CRH: variants seen among roughly 807,000 people sequenced by gnomAD.
The protein encoded by CRH is corticotropin releasing hormone, also known as corticotropin-releasing hormone.
CRH carries 6 observed loss-of-function variants against 11.1 expected under a neutral mutation model. The observed-to-expected ratio is 0.54, with a 90% CI of 0.30 to 1.07. The LOEUF (loss-of-function observed/expected upper bound fraction) is 1.07, where lower values mean the gene tolerates loss of function less well. CRH is among the 50% of genes least tolerant of loss of function. The pLI is 0.07. For synonymous variants in CRH, 155 were observed against 132.0 expected, an observed-to-expected ratio of 1.17 and a Z score of -1.19; for missense variants, 289 against 269.4, an observed-to-expected ratio of 1.07 and a Z score of -0.51.
rs1373550127 is a variant in CRH, at chr8:66,176,645, A to C, written c.*242T>G. 5.3e-6 allele frequency: 2 copies of C among 380,380 alleles called. No individual in the cohort carries two copies. Among genetic ancestry groups the C allele is most frequent in the Non-Finnish European group, 8.9e-6 (2 of 223,536 alleles). 23.6% of individuals were successfully genotyped at this position (380,380 alleles called of 1,614,324 possible). On this transcript the variant is annotated 3_prime_UTR_variant, in exon 2 of 2. Transcript: ENST00000276571. ...TCTACATTCTCTTTAAAACACCACT[A>C]TAAACACCTGGAAACGGAAACTAAA...
In CRH at chr8:66,177,466, C is replaced by G; in HGVS notation, c.12G>C (p.Pro4=). The change falls in exon 2 of 2, where the codon CCG becomes CCC. Residue 4 remains proline, a synonymous_variant. Coordinates refer to ENST00000276571, the MANE Select transcript of CRH (RefSeq NM_000756.4). ...GCAGGACTCCCGCGGACACAAGCAG[C>G]GGCAGCCGCATGTTAGGGGCACTCG... MRL[P]LLVSAGVLLV... is the part of the protein sequence containing the mutation. 2 of 1,535,992 alleles carry G rather than the reference C, an allele frequency of 1.3e-6. No individual in the cohort carries two copies. The highest frequency in any genetic ancestry group is 1.7e-6 in the Non-Finnish European group (2 of 1,146,272).
rs764881373 is a variant in CRH, at chr8:66,177,237, T to C, written c.241A>G (p.Lys81Glu). The part of the protein sequence containing the change: ...EYFLRLGNLN[K>E]SPAAPLSPAS... Reference sequence around the variant, plus strand: ...GGCGAAAGGGGAGCGGCCGGGCTCTTGTTGAGGTTCCCCAGGCGGAGGAAG... The same window carrying C: ...GGCGAAAGGGGAGCGGCCGGGCTCTCGTTGAGGTTCCCCAGGCGGAGGAAG... The change falls in exon 2 of 2, where the codon AAG becomes GAG. Residue 81 changes from lysine to glutamate, a missense_variant. Lys to Glu is a moderately conservative substitution (Grantham distance 56, BLOSUM62 1). Around this residue, in one of 2 missense-constraint regions of CRH, gnomAD observed 261 missense variants for 219.0 expected, o/e 1.19. Coordinates refer to ENST00000276571, the MANE Select transcript of CRH (RefSeq NM_000756.4). 5.2e-6 allele frequency: 8 copies of C among 1,542,142 alleles called. No individual in the cohort carries two copies. Among genetic ancestry groups the C allele is most frequent in the Non-Finnish European group, 6.1e-6 (7 of 1,147,802 alleles).
In CRH at chr8:66,176,881, A is replaced by G; in HGVS notation, c.*6T>C. ...ATGCAGATTCTTTTTGGCCAAACGC[A>G]CCGTTTTATTTCCCAATAATCTCCA... On this transcript the variant is annotated 3_prime_UTR_variant, in exon 2 of 2. Transcript: ENST00000276571. 1 of 1,577,626 alleles carries G rather than the reference A, an allele frequency of 6.3e-7. No homozygotes were observed. The highest frequency in any genetic ancestry group is 8.6e-7 in the Non-Finnish European group (1 of 1,160,862).
intron 1 of CRH, 141 bp from the exon 2 acceptor site, chr8:66,177,632 T>C: frequency 3.3e-6 from 4 of 1,221,536 alleles, no homozygotes; most frequent in South Asian, 1.6e-5. Flanking sequence ...TTGGCCTCAG[T>C]GATTCGGATG....
Position 66,177,252 on chromosome 8 carries a change from G to C in CRH, c.226C>G (p.Leu76Val), listed in dbSNP as rs1227371975. ...GCCGGGCTCTTGTTGAGGTTCCCCAGGCGGAGGAAGTACTCCTCTCCCATG... is the reference window on the plus strand; with the variant it reads ...GCCGGGCTCTTGTTGAGGTTCCCCACGCGGAGGAAGTACTCCTCTCCCATG... ...LRMGEEYFLR[L>V]GNLNKSPAAP... The change falls in exon 2 of 2, where the codon CTG (leucine) becomes GTG (valine). Residue 76 changes from leucine to valine, a missense_variant. Leu to Val is a conservative substitution (Grantham distance 32). This residue lies in a region of CRH where 261 missense variants were observed against 219.0 expected (regional missense o/e 1.19). Transcript: ENST00000276571. 6.5e-7 allele frequency: 1 copy of C among 1,543,538 alleles called. No individual in the cohort carries two copies. The highest frequency in any genetic ancestry group is 8.7e-7 in the Non-Finnish European group (1 of 1,148,548).
At position 66,177,014 on chromosome 8, in the gene CRH, T is replaced by C; in HGVS notation, c.464A>G (p.Glu155Gly). 1.2e-6 allele frequency: 2 copies of C among 1,614,078 alleles called. No individual in the cohort carries two copies. The highest frequency in any genetic ancestry group is 1.7e-6 in the Non-Finnish European group (2 of 1,179,992). The change falls in exon 2 of 2, where the codon GAG becomes GGG. Residue 155 changes from glutamate to glycine, a missense_variant. By Grantham distance (98) the Glu-to-Gly change is moderately conservative. Around this residue, in one of 2 missense-constraint regions of CRH, gnomAD observed 261 missense variants for 219.0 expected, o/e 1.19. Coordinates refer to ENST00000276571, the MANE Select transcript of CRH (RefSeq NM_000756.4). The stretch of plus-strand genomic sequence containing the variant: ...GAGATCCAGGGAGATGGGAGGCTCC[T>C]CGGACCGCCTTTCTCTCTCCGGTGC... ...QEAPERERRS[E>G]EPPISLDLTF...
rs774734257 is a variant in CRH, at chr8:66,176,935, T to C, written c.543A>G (p.Ala181=). The C allele has an allele frequency of 8.7e-6, 14 of 1,613,782 alleles. No homozygotes were observed. The South Asian group carries it at 1.1e-4, about 13-fold the overall frequency. The change falls in exon 2 of 2, where the codon GCA becomes GCG. Residue 181 remains alanine, a synonymous_variant. Coordinates refer to ENST00000276571, the MANE Select transcript of CRH (RefSeq NM_000756.4). ...GTTTCCTGTTGCTGTGAGCTTGCTGTGCTAACTGCTCGGCCCTGGCCATTT... is the reference window on the plus strand; with the variant it reads ...GTTTCCTGTTGCTGTGAGCTTGCTGCGCTAACTGCTCGGCCCTGGCCATTT... ...VLEMARAEQL[A]QQAHSNRKLM... is the part of the protein sequence containing the mutation.
At position 66,177,406 on chromosome 8, in the gene CRH, C is replaced by A; in HGVS notation, c.72G>T (p.Ala24=). The A allele has an allele frequency of 6.5e-7, 1 of 1,539,610 alleles. No individual in the cohort carries two copies. The highest frequency in any genetic ancestry group is 1.2e-5 in the South Asian group (1 of 83,968). The change falls in exon 2 of 2, where the codon GCG becomes GCT. Residue 24 remains alanine, a synonymous_variant. Coordinates refer to ENST00000276571, the MANE Select transcript of CRH (RefSeq NM_000756.4). ...VALLPCPPCR[A]LLSRGPVPGA... ...CCGGGACCGGCCCGCGGCTCAGGAG[C>A]GCCCTGCATGGCGGGCAGGGCAGGA... is the stretch of plus-strand genomic sequence containing the variant.
rs1251703556 is a variant in CRH at position 66,177,332 on chromosome 8, G to T, written c.146C>A (p.Pro49Gln). The T allele has an allele frequency of 1.9e-6, 3 of 1,553,954 alleles. No homozygotes were observed. The highest frequency in any genetic ancestry group is 4.8e-5 in the East Asian group (2 of 41,564). The change falls in exon 2 of 2, where the codon CCG becomes CAG. Residue 49 changes from proline to glutamine, a missense_variant. Around this residue, in one of 2 missense-constraint regions of CRH, gnomAD observed 261 missense variants for 219.0 expected, o/e 1.19. Transcript: ENST00000276571. ...QHPQPLDFFQPPPQSEQPQQP... is the reference protein window; with the variant it reads ...QHPQPLDFFQQPPQSEQPQQP... ...CTGGGGCTGCTCGGACTGCGGCGGC[G>T]GCTGGAAGAAATCCAAGGGCTGAGG... is the stretch of plus-strand genomic sequence containing the variant.
Position 66,177,460 on chromosome 8 carries a change from A to C in CRH, c.18T>G (p.Leu6=), listed in dbSNP as rs745439784. 18 of 1,536,594 alleles carry C rather than the reference A, an allele frequency of 1.2e-5. No individual in the cohort carries two copies. Among genetic ancestry groups the C allele is most frequent in the Middle Eastern group, 2.0e-4 (1 of 5,016 alleles). The stretch of plus-strand genomic sequence containing the variant: ...CCACCAGCAGGACTCCCGCGGACAC[A>C]AGCAGCGGCAGCCGCATGTTAGGGG... The part of the protein sequence containing the change: MRLPL[L]VSAGVLLVAL... The change falls in exon 2 of 2, where the codon CTT becomes CTG. Residue 6 remains leucine, a synonymous_variant. Transcript: ENST00000276571.
intron 1 of CRH, 106 bp from the exon 2 acceptor site, chr8:66,177,597 G>C (rs755020258): frequency 4.3e-6 from 6 of 1,401,440 alleles, no homozygotes; most frequent in African/African-American, 1.5e-5. Flanking sequence ...GTCTTCCTAC[G>C]GGACTGCCTT....
chr8:66,176,661 G>A lies in CRH; in HGVS notation c.*226C>T, dbSNP rs1463372121. The A allele has an allele frequency of 2.3e-6, 1 of 435,258 alleles. No homozygotes were observed. Among genetic ancestry groups the A allele is most frequent in the Non-Finnish European group, 3.8e-6 (1 of 265,376 alleles). The allele number at this position is 435,258 out of a possible 1,614,324, so 27.0% of individuals were successfully genotyped here. The stretch of plus-strand genomic sequence containing the variant: ...AACACCACTATAAACACCTGGAAAC[G>A]GAAACTAAACGTAGACAAAACGAAT... On this transcript the variant is annotated 3_prime_UTR_variant, in exon 2 of 2. Transcript: ENST00000276571.
chr8:66,177,335 T>A lies in CRH; in HGVS notation c.143A>T (p.Gln48Leu). ...GGGCTGCTCGGACTGCGGCGGCGGCTGGAAGAAATCCAAGGGCTGAGGGTG... is the reference window on the plus strand; with the variant it reads ...GGGCTGCTCGGACTGCGGCGGCGGCAGGAAGAAATCCAAGGGCTGAGGGTG... The part of the protein sequence containing the change: ...PQHPQPLDFF[Q>L]PPPQSEQPQQ... The change falls in exon 2 of 2, where the codon CAG becomes CTG. Residue 48 changes from glutamine (Q) to leucine (L), a missense_variant. Physicochemically the swap from Gln to Leu is moderately radical, Grantham distance 113 (BLOSUM62 -2). This residue lies in a region of CRH where 261 missense variants were observed against 219.0 expected (regional missense o/e 1.19). Transcript: ENST00000276571. The A allele has an allele frequency of 6.4e-7, 1 of 1,553,440 alleles. No individual in the cohort carries two copies. The highest frequency in any genetic ancestry group is 1.2e-5 in the South Asian group (1 of 84,954).
Position 66,176,924 on chromosome 8 carries a change from T to C in CRH, c.554A>G (p.His185Arg). The C allele has an allele frequency of 6.2e-7, 1 of 1,609,250 alleles. No individual in the cohort carries two copies. Among genetic ancestry groups the C allele is most frequent in the Non-Finnish European group, 8.5e-7 (1 of 1,176,928 alleles). ...ARAEQLAQQA[H>R]SNRKLMEIIG... ...AATCTCCATGAGTTTCCTGTTGCTG[T>C]GAGCTTGCTGTGCTAACTGCTCGGC... The change falls in exon 2 of 2, where the codon CAC (histidine) becomes CGC (arginine). Residue 185 changes from histidine (H) to arginine (R), a missense_variant. His to Arg is a conservative substitution (Grantham distance 29, BLOSUM62 0). Transcript: ENST00000276571.
rs748615623 is a variant in CRH, at chr8:66,177,278, C to T, written c.200G>A (p.Arg67His). 1.3e-6 allele frequency: 2 copies of T among 1,548,758 alleles called. No homozygotes were observed. Among genetic ancestry groups the T allele is most frequent in the African/African-American group, 1.4e-5 (1 of 73,406 alleles). Residue 67 changes from arginine (R) to histidine (H), a missense_variant, in exon 2 of 2, where the codon CGC (arginine) becomes CAC (histidine). This residue lies in a region of CRH where 261 missense variants were observed against 219.0 expected (regional missense o/e 1.19). Coordinates refer to ENST00000276571, the MANE Select transcript of CRH (RefSeq NM_000756.4). Reference sequence around the variant, plus strand: ...GCGGAGGAAGTACTCCTCTCCCATGCGGAGCAGGACCGGCCGAGCCTGCGG... The same window carrying T: ...GCGGAGGAAGTACTCCTCTCCCATGTGGAGCAGGACCGGCCGAGCCTGCGG... The part of the protein sequence containing the change: ...QQPQARPVLL[R>H]MGEEYFLRLG...
chr8:66,177,733 G>A (rs1187744133), intron 1 of CRH, among the ~76,000 whole-genome samples: 2 of 152,182 alleles, frequency 1.3e-5, no homozygotes, highest in African/African-American at 4.8e-5. Flanking sequence ...CACCGGCCAG[G>A]AGTGACCCTT....
rs1234402945 is a variant in CRH, at chr8:66,177,092, G to A, written c.386C>T (p.Pro129Leu). 7.5e-6 allele frequency: 12 copies of A among 1,591,352 alleles called. No homozygotes were observed. The highest frequency in any genetic ancestry group is 2.3e-5 in the East Asian group (1 of 43,988). Residue 129 changes from proline to leucine, a missense_variant, in exon 2 of 2, where the codon CCC becomes CTC. Physicochemically the swap from Pro to Leu is moderately conservative, Grantham distance 98. Coordinates refer to ENST00000276571, the MANE Select transcript of CRH (RefSeq NM_000756.4). ...LLLPRRSLDS[P>L]AALAERGARN... ...AGCGCCGCGCTCCGCGAGAGCCGCG[G>A]GGCTGTCGAGCGAGCGCCGAGGCAG... is the stretch of plus-strand genomic sequence containing the variant.
In CRH at chr8:66,176,759, T is replaced by C; in HGVS notation, c.*128A>G. ...AAGGGGTATAGGCTCTCTCCCTCTC[T>C]CCCTCTATGTTTCAAGCTATATAAA... On this transcript the variant is annotated 3_prime_UTR_variant, in exon 2 of 2. Coordinates refer to ENST00000276571, the MANE Select transcript of CRH (RefSeq NM_000756.4). The C allele has an allele frequency of 8.3e-7, 1 of 1,207,324 alleles. No homozygotes were observed. The highest frequency in any genetic ancestry group is 1.1e-6 in the Non-Finnish European group (1 of 900,316). 74.8% of individuals were successfully genotyped at this position (1,207,324 alleles called of 1,614,324 possible). A position where few individuals can be genotyped will look rare whatever the true frequency, so the allele number is the denominator to read the frequency against.
In CRH at chr8:66,176,732, G is replaced by C; in HGVS notation, c.*155C>G. ...CGTGAATACACTTTGTGCATGCTAA[G>C]TAAGGGGTATAGGCTCTCTCCCTCT... is the stretch of plus-strand genomic sequence containing the variant. On this transcript the variant is annotated 3_prime_UTR_variant, in exon 2 of 2. Transcript: ENST00000276571. 1.1e-6 allele frequency: 1 copy of C among 873,032 alleles called. No homozygotes were observed. Among genetic ancestry groups the C allele is most frequent in the South Asian group, 2.6e-5 (1 of 38,272 alleles). 54.1% of individuals were successfully genotyped at this position (873,032 alleles called of 1,614,324 possible).
Sources: allele counts gnomAD v4.1 joint callset (sites outside exome capture counted in the v4.1 genomes callset), GRCh38; gene constraint gnomAD v4.1.1; regional missense constraint gnomAD v4.1.1; transcripts MANE v1.5; gene names NCBI Gene and HGNC (gene_info 2026-07-23, HGNC 2026-07-21).